The following CFLAR variants were observed in gnomAD, a reference collection of about 807,000 sequenced individuals.
CFLAR encodes CASP8 and FADD like apoptosis regulator, also known as CASP8 and FADD-like apoptosis regulator.
A neutral mutation model predicts 51.1 loss-of-function variants in CFLAR; 14 were observed. That is an observed-to-expected ratio of 0.27 (90% confidence interval 0.18 to 0.43). The LOEUF is 0.43. Among genes scored for constraint, CFLAR ranks in the 20% least tolerant of loss-of-function variants. The pLI is 1.00. For missense variants in CFLAR, 390 were observed against 566.5 expected, an observed-to-expected ratio of 0.69 and a Z score of 3.16; for synonymous variants, 210 against 211.6, an observed-to-expected ratio of 0.99 and a Z score of 0.06.
chr2:201,152,329 T>C (rs1575849648), intron 8 of CFLAR, among the ~76,000 whole-genome samples: 1 of 152,020 alleles, frequency 6.6e-6, no homozygotes, highest in Non-Finnish European at 1.5e-5. Flanking sequence ...TTATTTTTAT[T>C]TTTCCTGTAG....
intron 1 of CFLAR, among the ~76,000 whole-genome samples, chr2:201,121,229 G>A (rs1228905348): frequency 2.6e-5 from 4 of 152,204 alleles, no homozygotes; most frequent in Admixed American, 1.3e-4. Flanking sequence ...TTATAAGGTT[G>A]TGCTCCGTGA....
At chr2:201,141,270 C>T in intron 5 of CFLAR, 1 of 1,428,868 alleles carries the variant, frequency 7.0e-7, no homozygotes, top group Non-Finnish European at 9.3e-7. Flanking sequence ...ATACTGACCT[C>T]CAATTATTTT....
intron 2 of CFLAR, among the ~76,000 whole-genome samples, chr2:201,131,170 G>C (rs771641896): frequency 1.3e-5 from 2 of 152,190 alleles, no homozygotes; most frequent in Non-Finnish European, 2.9e-5. Context: ...GAGGTTCAGA[G>C]GGGCATGGAA....
chr2:201,129,838 T>C lies in CFLAR; in HGVS notation c.-28T>C, dbSNP rs2049070890. ...GGCCCGGAGCTGTACTGCAAGACCC[T>C]TGTGAGCTTCCCTAGTCTAAGAGTA... On this transcript the variant is annotated 5_prime_UTR_variant, in exon 2 of 10. Transcript: ENST00000309955. 1 of 1,609,188 alleles carries C rather than the reference T, an allele frequency of 6.2e-7. No homozygotes were observed.
rs555205197 is a variant in CFLAR at position 201,163,169 on chromosome 2, A to G, written c.1305-666A>G. ...TCTTATATTTCCTCAAGTTTTGACA[A>G]TTTGATAGGTGAAAAGTGGTATCTG... On this transcript the variant is annotated intron_variant, in intron 9 of 9. Coordinates refer to ENST00000309955, the MANE Select transcript of CFLAR (RefSeq NM_003879.7). 2.9e-5 allele frequency: 28 copies of G among 962,566 alleles called. No homozygotes were observed. The South Asian group carries it at 4.3e-4, about 15-fold the overall frequency. 59.6% of individuals were successfully genotyped at this position (962,566 alleles called of 1,614,324 possible).
At position 201,164,821 on chromosome 2, in the gene CFLAR, T is replaced by C. The variant is rs1241988132; in HGVS notation, c.*848T>C. 6.6e-6 allele frequency: 1 copy of C among 152,212 alleles called. No individual in the cohort carries two copies. The highest frequency in any genetic ancestry group is 1.9e-4 in the East Asian group (1 of 5,202). The allele number at this position is 152,212 out of a possible 1,614,324, so 9.4% of individuals were successfully genotyped here. The stretch of plus-strand genomic sequence containing the variant: ...CTTAAACAGCAGTTATTTCTCACAG[T>C]TCCGGAGGCTGGGAAATCCAACATC... On this transcript the variant is annotated 3_prime_UTR_variant, in exon 10 of 10. Coordinates refer to ENST00000309955, the MANE Select transcript of CFLAR (RefSeq NM_003879.7).
chr2:201,140,066 G>A, intron 4 of CFLAR: 1 of 208,194 alleles, frequency 4.8e-6, no homozygotes, highest in South Asian at 3.4e-5. Flanking sequence ...AAACGCTGCA[G>A]CTGCTGCGAC....
At chr2:201,127,024 C>T (rs2048778730) in intron 1 of CFLAR, among the ~76,000 whole-genome samples, 1 of 152,102 alleles carries the variant, frequency 6.6e-6, no homozygotes, top group Non-Finnish European at 1.5e-5. Flanking sequence ...GAGATATAGT[C>T]ATTAAATTAG....
chr2:201,130,180 TG>T, intron 2 of CFLAR, 34 bp downstream of exon 2: 16 of 79,238 alleles, frequency 2.0e-4, no homozygotes, highest in Non-Finnish European at 3.7e-4. Flanking sequence ...GCTGGGTGGG[TG>T]GGAGGGAGTG....
chr2:201,176,289 G>C lies in CFLAR; in HGVS notation c.*12316G>C, dbSNP rs200511289. 6 of 114,924 alleles carry C rather than the reference G, an allele frequency of 5.2e-5. No individual in the cohort carries two copies. Among genetic ancestry groups the C allele is most frequent in the South Asian group, 3.6e-4 (1 of 2,802 alleles). The allele number at this position is 114,924 out of a possible 1,614,324, so 7.1% of individuals were successfully genotyped here. The stretch of plus-strand genomic sequence containing the variant: ...GGTGTTTTCTATTGCGGGGGGGGGG[G>C]GCGGGCGGGGGAGCTGCCTGTCCCT... On this transcript the variant is annotated 3_prime_UTR_variant, in exon 10 of 10. Coordinates refer to ENST00000309955, the MANE Select transcript of CFLAR (RefSeq NM_003879.7).
chr2:201,142,291 AT>A lies in CFLAR; in HGVS notation c.606+1854del, dbSNP rs1424686995. On this transcript the variant is annotated intron_variant, in intron 5 of 9. Coordinates refer to ENST00000309955, the MANE Select transcript of CFLAR (RefSeq NM_003879.7). ...CCTTGTCTCTAAAAGAAAAAAAAAT[AT>A]TATATATATATATATAAATGCTTTC... 4.6e-3 allele frequency among the ~76,000 whole-genome samples: 689 copies of A among 150,560 alleles called. 2 individuals carry two copies. The highest frequency in any genetic ancestry group is 8.9e-3 in the African/African-American group (365 of 41,082).
In CFLAR at chr2:201,174,638, C is replaced by G. The variant is rs879657891; in HGVS notation, c.*10665C>G. On this transcript the variant is annotated 3_prime_UTR_variant, in exon 10 of 10. Coordinates refer to ENST00000309955, the MANE Select transcript of CFLAR (RefSeq NM_003879.7). ...CCTCAAACAATCCTCCCACCTCCAC[C>G]TCCCAAAGTGCTGAGGGGTGAGCCA... is the stretch of plus-strand genomic sequence containing the variant. 1 of 152,256 alleles carries G rather than the reference C, an allele frequency of 6.6e-6. No individual in the cohort carries two copies. The highest frequency in any genetic ancestry group is 1.5e-5 in the Non-Finnish European group (1 of 68,116). 9.4% of individuals were successfully genotyped at this position (152,256 alleles called of 1,614,324 possible).
intron 5 of CFLAR, among the ~76,000 whole-genome samples, chr2:201,144,842 T>G (rs1396843102): frequency 6.6e-6 from 1 of 152,174 alleles, no homozygotes; most frequent in Non-Finnish European, 1.5e-5. Flanking sequence ...CATATTTTTC[T>G]TTTCTTTTTT....
chr2:201,132,421 G>T (rs964403220), intron 2 of CFLAR, among the ~76,000 whole-genome samples: 3 of 128,724 alleles, frequency 2.3e-5, no homozygotes, highest in East Asian at 2.0e-4. Context: ...TATTTCCTAG[G>T]GGGGGAAAAA....
intron 4 of CFLAR, chr2:201,136,366 A>T: frequency 6.3e-7 from 1 of 1,598,468 alleles, no homozygotes; most frequent in Non-Finnish European, 8.5e-7. Flanking sequence ...TTCAAGAAAG[A>T]ATCTGGGATC....
At chr2:201,132,854 C>T in intron 2 of CFLAR, 175 bp from the exon 3 acceptor site, 1 of 484,926 alleles carries the variant, frequency 2.1e-6, no homozygotes, top group Non-Finnish European at 3.6e-6. Context: ...TTCTGAGGTC[C>T]CTTAAGATCT....
At chr2:201,138,000 G>A in intron 4 of CFLAR, 1 of 739,432 alleles carries the variant, frequency 1.4e-6, no homozygotes, top group Non-Finnish European at 2.5e-6. Context: ...AAAGTTCTGG[G>A]TATGCTTGGC....
Position 201,164,008 on chromosome 2 carries a change from G to A in CFLAR, c.*35G>A. 6 of 1,582,478 alleles carry A rather than the reference G, an allele frequency of 3.8e-6. No homozygotes were observed. The highest frequency in any genetic ancestry group is 5.2e-6 in the Non-Finnish European group (6 of 1,161,136). ...AGGCTGGGCGTAGTGGCTCACACCT[G>A]TAATCCCAGCACTTTGGGAGGCCAA... On this transcript the variant is annotated 3_prime_UTR_variant, in exon 10 of 10. Coordinates refer to ENST00000309955, the MANE Select transcript of CFLAR (RefSeq NM_003879.7).
chr2:201,149,173 C>A, intron 7 of CFLAR, 121 bp downstream of exon 7: 1 of 653,054 alleles, frequency 1.5e-6, no homozygotes, highest in South Asian at 1.9e-5. Flanking sequence ...GAGTGTTGTT[C>A]TCCTGAGAAC....
Sources: gnomAD v4.1 joint callset for allele counts (sites outside exome capture counted in the v4.1 genomes callset) on GRCh38, gnomAD v4.1.1 for gene constraint, MANE v1.5 for transcripts, NCBI Gene and HGNC (gene_info 2026-07-23, HGNC 2026-07-21) for gene names.